SGSM3: variants seen among roughly 807,000 people sequenced by gnomAD.
The protein encoded by SGSM3 is RUN and SH3 containing 3.
A neutral mutation model predicts 100.5 loss-of-function variants in SGSM3; 96 were observed. That is an observed-to-expected ratio of 0.96 (90% CI 0.81 to 1.13). The LOEUF (loss-of-function observed/expected upper bound fraction) is 1.13. SGSM3 is among the 50% of genes most tolerant of loss of function. The probability of loss-of-function intolerance (pLI) is 0.00; values close to 1 mark genes in which losing one functional copy is unlikely to be tolerated. For missense variants in SGSM3, 1,001 were observed against 1,015.8 expected (o/e 0.99, Z 0.20); for synonymous variants, 483 against 422.8 (o/e 1.14, Z -1.75).
rs770310096 is a variant in SGSM3 at position 40,404,379 on chromosome 22, T to C, written c.290T>C (p.Ile97Thr). The change falls in exon 5 of 22, where the codon ATT (isoleucine) becomes ACT (threonine). Residue 97 changes from isoleucine to threonine, a missense_variant. Transcript: ENST00000248929. ...GTGGGGGATCTCACCTGGGACAAGA[T>C]TGCCGTCTCCCTACCCCGCTCTGAG... is the stretch of plus-strand genomic sequence containing the variant. ...HDVGDLTWDK[I>T]AVSLPRSEKL... is the part of the protein sequence containing the mutation. 1.5e-5 allele frequency: 24 copies of C among 1,608,430 alleles called. No individual in the cohort carries two copies. Among genetic ancestry groups the C allele is most frequent in the East Asian group, 6.7e-5 (3 of 44,832 alleles).
chr22:40,372,894 A>G (rs1447697114), intron 1 of SGSM3: 3 of 152,250 alleles, frequency 2.0e-5, no homozygotes, highest in African/African-American at 4.8e-5. Flanking sequence ...ATAGCCTGTT[A>G]TTCAGCTGGT....
At chr22:40,395,801 T>C (rs1353023024) in intron 1 of SGSM3, among the ~76,000 whole-genome samples, 1 of 152,250 alleles carries the variant, frequency 6.6e-6, no homozygotes, top group East Asian at 1.9e-4. Context: ...CAAGGCCTGT[T>C]GATTCTACCT....
At chr22:40,409,078 A>C in intron 19 of SGSM3, 60 bp downstream of exon 19, 1 of 1,551,372 alleles carries the variant, frequency 6.4e-7, no homozygotes, top group South Asian at 1.2e-5. Flanking sequence ...GCCCAGCATC[A>C]GGGGGGGTCC....
At chr22:40,392,627 A>G (rs17001876) in intron 1 of SGSM3, among the ~76,000 whole-genome samples, 6,869 of 152,184 alleles carry the variant, frequency 0.045, 393 homozygotes, top group African/African-American at 0.14. Context: ...AAAAAAGTCA[A>G]CCTTCTTACT....
chr22:40,402,400 T>G (rs2050869807), intron 4 of SGSM3, among the ~76,000 whole-genome samples, 195 bp downstream of exon 4: 1 of 152,222 alleles, frequency 6.6e-6, no homozygotes. Context: ...TAAATTTTAC[T>G]GATCCTCACC....
rs747173255 is a variant in SGSM3, at chr22:40,404,351, G to A, written c.262G>A (p.Asp88Asn). ...CCACCTGGAGTTCACCCATAACCAC[G>A]ATGTGGGGGATCTCACCTGGGACAA... ...QAHLEFTHNH[D>N]VGDLTWDKIA... is the part of the protein sequence containing the mutation. The change falls in exon 5 of 22, where the codon GAT (aspartate) becomes AAT (asparagine). Residue 88 changes from aspartate to asparagine, a missense_variant. Transcript: ENST00000248929. The A allele has an allele frequency of 5.6e-6, 9 of 1,604,390 alleles. No individual in the cohort carries two copies. The highest frequency in any genetic ancestry group is 1.7e-4 in the Middle Eastern group (1 of 6,042).
At chr22:40,409,556 C>T in intron 21 of SGSM3, 31 bp downstream of exon 21, 2 of 1,612,238 alleles carry the variant, frequency 1.2e-6, no homozygotes, top group Non-Finnish European at 1.7e-6. Flanking sequence ...AGGGCCTGCA[C>T]TGATGGAGCT....
chr22:40,390,393 CCT>C (rs1159186780), intron 1 of SGSM3: 21 of 152,068 alleles, frequency 1.4e-4, no homozygotes, highest in South Asian at 4.1e-4. Flanking sequence ...TTACTTAGCC[CCT>C]GTCAGTGACA....
In SGSM3 at chr22:40,387,082, T is replaced by TTG. The variant is rs1356464645; in HGVS notation, c.-111-13611_-111-13610dup. Reference sequence around the variant, plus strand: ...CTGTCTGCAAAGTTGATAACTAGAGTTGTGCTAGTCAGTATGGTATAGTGA... The same window carrying TTG: ...CTGTCTGCAAAGTTGATAACTAGAGTTGTGTGCTAGTCAGTATGGTATAGTGA... On this transcript the variant is annotated intron_variant, in intron 1 of 21. Coordinates refer to ENST00000248929, the MANE Select transcript of SGSM3 (RefSeq NM_015705.6). 1.3e-5 allele frequency: 5 copies of TTG among 394,836 alleles called. No homozygotes were observed. The East Asian group carries it at 1.4e-4, about 11-fold the overall frequency. The allele number at this position is 394,836 out of a possible 1,614,324, so 24.5% of individuals were successfully genotyped here. A position where few individuals can be genotyped will look rare whatever the true frequency, so the allele number is the denominator to read the frequency against.
Position 40,400,736 on chromosome 22 carries a change from C to T in SGSM3, c.-71C>T, listed in dbSNP as rs1555934523. Reference sequence around the variant, plus strand: ...ACCAGATGAAGCCTGAGGAGCCTTCCAGCTCTAAGATAGCAGGATAGGAGA... The same window carrying T: ...ACCAGATGAAGCCTGAGGAGCCTTCTAGCTCTAAGATAGCAGGATAGGAGA... On this transcript the variant is annotated 5_prime_UTR_variant, in exon 2 of 22. Transcript: ENST00000248929. 1.3e-6 allele frequency: 2 copies of T among 1,510,998 alleles called. No individual in the cohort carries two copies. Among genetic ancestry groups the T allele is most frequent in the South Asian group, 1.2e-5 (1 of 83,170 alleles). The allele number at this position is 1,510,998 out of a possible 1,614,324, so 93.6% of individuals were successfully genotyped here.
Position 40,409,986 on chromosome 22 carries a change from C to T in SGSM3, c.*227C>T. The T allele has an allele frequency of 7.5e-7, 1 of 1,338,352 alleles. No individual in the cohort carries two copies. Among genetic ancestry groups the T allele is most frequent in the Non-Finnish European group, 9.5e-7 (1 of 1,051,074 alleles). The allele number at this position is 1,338,352 out of a possible 1,614,324, so 82.9% of individuals were successfully genotyped here. On this transcript the variant is annotated 3_prime_UTR_variant, in exon 22 of 22. Coordinates refer to ENST00000248929, the MANE Select transcript of SGSM3 (RefSeq NM_015705.6). ...CTCTAGGCCAAACCACAGTTTGTAC[C>T]AAAAACCTTGTGAGGAGGTGGGGGA... is the stretch of plus-strand genomic sequence containing the variant.
At chr22:40,397,422 A>G (rs937099882) in intron 1 of SGSM3, among the ~76,000 whole-genome samples, 1 of 152,072 alleles carries the variant, frequency 6.6e-6, no homozygotes, top group African/African-American at 2.4e-5. Flanking sequence ...ATATGATAAA[A>G]TATATCCATA....
At chr22:40,398,786 G>A (rs1405111120) in intron 1 of SGSM3, among the ~76,000 whole-genome samples, 3 of 141,090 alleles carry the variant, frequency 2.1e-5, no homozygotes, top group African/African-American at 7.8e-5. Context: ...ACTTATATGT[G>A]TCAGGCAGTG....
chr22:40,409,589 C>A, intron 21 of SGSM3, 64 bp downstream of exon 21: 1 of 1,613,262 alleles, frequency 6.2e-7, no homozygotes, highest in Non-Finnish European at 8.5e-7. Context: ...CGCGGGGTGG[C>A]TAAGGTGGGA....
intron 1 of SGSM3, among the ~76,000 whole-genome samples, chr22:40,384,784 A>G (rs1329938012): frequency 1.3e-5 from 2 of 152,236 alleles, no homozygotes; most frequent in Non-Finnish European, 1.5e-5. Flanking sequence ...CCACCTCAAA[A>G]AAAAAGAAAT....
At chr22:40,377,622 G>T (rs887352030) in intron 1 of SGSM3, among the ~76,000 whole-genome samples, 3 of 152,138 alleles carry the variant, frequency 2.0e-5, no homozygotes, top group African/African-American at 7.2e-5. Flanking sequence ...GATCCATTGG[G>T]CTAAGGAGTT....
At chr22:40,395,629 C>A (rs747495775) in intron 1 of SGSM3, among the ~76,000 whole-genome samples, 1 of 151,788 alleles carries the variant, frequency 6.6e-6, no homozygotes, top group Non-Finnish European at 1.5e-5. Context: ...GCCCCTGCCC[C>A]GTAACTCTTA....
chr22:40,403,870 A>C (rs2051082945), intron 4 of SGSM3, among the ~76,000 whole-genome samples: 1 of 152,156 alleles, frequency 6.6e-6, no homozygotes, highest in African/African-American at 2.4e-5. Flanking sequence ...GGCCATGGTC[A>C]GGGGTGGTGA....
intron 15 of SGSM3, 27 bp downstream of exon 15, chr22:40,408,147 G>C: frequency 6.2e-7 from 1 of 1,611,846 alleles, no homozygotes. Flanking sequence ...GGCTAGGCAC[G>C]GCTGGCACCC....
Sources: gnomAD v4.1 joint callset for allele counts (sites outside exome capture counted in the v4.1 genomes callset) on GRCh38, gnomAD v4.1.1 for gene constraint, MANE v1.5 for transcripts, NCBI Gene and HGNC (gene_info 2026-07-23, HGNC 2026-07-21) for gene names.